The following ATP11A variants were observed in gnomAD, a reference collection of about 807,000 sequenced individuals.
ATP11A encodes phospholipid-transporting ATPase IH.
In ATP11A, 81 loss-of-function variants were observed where a neutral mutation model predicts 154.4. The observed-to-expected ratio is 0.52, with a 90% CI of 0.44 to 0.63. ATP11A has a LOEUF of 0.63. Ranked by LOEUF, ATP11A falls within the 30% of genes least tolerant of loss-of-function variation. ATP11A has a pLI of 0.00. For synonymous variants in ATP11A, 623 were observed against 585.9 expected, an observed-to-expected ratio of 1.06 and a Z score of -0.91; for missense variants, 1,316 against 1,474.3, an observed-to-expected ratio of 0.89 and a Z score of 1.76.
intron 1 of ATP11A, among the ~76,000 whole-genome samples, chr13:112,745,135 G>T (rs1353029277): frequency 1.3e-5 from 2 of 152,202 alleles, no homozygotes; most frequent in African/African-American, 4.8e-5. Flanking sequence ...TGCCATCTCG[G>T]CTCACTGCAA....
intron 2 of ATP11A, among the ~76,000 whole-genome samples, chr13:112,789,557 G>A (rs986164092): frequency 3.4e-5 from 5 of 148,546 alleles, no homozygotes; most frequent in Non-Finnish European, 5.9e-5. Flanking sequence ...GTAGACTCCT[G>A]TGGATACCTA....
chr13:112,868,672 C>T (rs1217940480), intron 25 of ATP11A, among the ~76,000 whole-genome samples: 1 of 152,168 alleles, frequency 6.6e-6, no homozygotes, highest in Non-Finnish European at 1.5e-5. Flanking sequence ...ATGCCTGCCA[C>T]CCCCAGAATC....
At position 112,729,665 on chromosome 13, in the gene ATP11A, A is replaced by G. The variant is rs555925383; in HGVS notation, c.39+39210A>G. Among the ~76,000 whole-genome samples, 36 of 152,370 alleles carry G rather than the reference A, an allele frequency of 2.4e-4. 1 individual carries two copies. Among genetic ancestry groups the G allele is most frequent in the African/African-American group, 8.7e-4 (36 of 41,590 alleles). On this transcript the variant is annotated intron_variant, in intron 1 of 29. Coordinates refer to ENST00000375645, the MANE Select transcript of ATP11A (RefSeq NM_015205.3). Reference sequence around the variant, plus strand: ...AACACGTCTGAGTGTGAACAGCGTCAGAAGGCACTGCCGCAGCGCTCCTGC... The same window carrying G: ...AACACGTCTGAGTGTGAACAGCGTCGGAAGGCACTGCCGCAGCGCTCCTGC...
In ATP11A at chr13:112,739,776, A is replaced by G. The variant is rs570416982; in HGVS notation, c.40-45359A>G. ...GTAAACAATGTGATTTATCCTTACAATGGAGTAGTATTCAGCCACAAAAAG... is the reference window on the plus strand; with the variant it reads ...GTAAACAATGTGATTTATCCTTACAGTGGAGTAGTATTCAGCCACAAAAAG... On this transcript the variant is annotated intron_variant, in intron 1 of 29. Coordinates refer to ENST00000375645, the MANE Select transcript of ATP11A (RefSeq NM_015205.3). 7.7e-4 allele frequency among the ~76,000 whole-genome samples: 117 copies of G among 152,344 alleles called. 1 individual carries two copies. The highest frequency in any genetic ancestry group is 1.7e-3 in the Admixed American group (26 of 15,310).
At position 112,885,539 on chromosome 13, in the gene ATP11A, C is replaced by G. The variant is rs968196198; in HGVS notation, c.*3673C>G. The stretch of plus-strand genomic sequence containing the variant: ...GCACAGGCTCCTACACACATGCACA[C>G]ACGTGTACACCACAAACGAGCTCCC... On this transcript the variant is annotated 3_prime_UTR_variant, in exon 30 of 30. Transcript: ENST00000375645. 7 of 152,350 alleles carry G rather than the reference C, an allele frequency of 4.6e-5. No individual in the cohort carries two copies. The highest frequency in any genetic ancestry group is 1.7e-4 in the African/African-American group (7 of 41,470). 9.4% of individuals were successfully genotyped at this position (152,350 alleles called of 1,614,324 possible).
At chr13:112,695,151 C>A (rs1441004725) in intron 1 of ATP11A, among the ~76,000 whole-genome samples, 1 of 151,832 alleles carries the variant, frequency 6.6e-6, no homozygotes, top group Non-Finnish European at 1.5e-5. Flanking sequence ...TGGGACCTTG[C>A]TGTTGTTCAG....
rs977983895 is a variant in ATP11A, at chr13:112,859,593, C to A, written c.2727+141C>A. 1.6e-5 allele frequency: 8 copies of A among 492,916 alleles called. No individual in the cohort carries two copies. The East Asian group carries it at 4.5e-4, about 28-fold the overall frequency. The allele number at this position is 492,916 out of a possible 1,614,324, so 30.5% of individuals were successfully genotyped here. On this transcript the variant is annotated intron_variant, in intron 23 of 29. Coordinates refer to ENST00000375645, the MANE Select transcript of ATP11A (RefSeq NM_015205.3). This position sits in a 1 kb window ranked among gnomAD's most constrained non-coding sequence, Gnocchi z 4.3. ...GGGAGCCAGGGTGCCCAGCAGCAGG[C>A]GGGGGTGAAGGGTCGGGCCTGGGGA... is the stretch of plus-strand genomic sequence containing the variant.
intron 2 of ATP11A, among the ~76,000 whole-genome samples, chr13:112,800,027 G>A (rs1368549846): frequency 6.6e-6 from 1 of 152,126 alleles, no homozygotes; most frequent in African/African-American, 2.4e-5. Context: ...TGGGATGCAG[G>A]AAAAGCAGTG....
chr13:112,708,183 C>G (rs1277094233), intron 1 of ATP11A, among the ~76,000 whole-genome samples: 2 of 152,216 alleles, frequency 1.3e-5, no homozygotes. Context: ...CTTCCACAAC[C>G]AGCAGGATGC....
At chr13:112,773,781 G>A (rs555762960) in intron 1 of ATP11A, among the ~76,000 whole-genome samples, 7 of 152,368 alleles carry the variant, frequency 4.6e-5, no homozygotes, top group South Asian at 2.1e-4. Context: ...AACGCCCCGC[G>A]TGTGTGAGTG....
chr13:112,744,040 A>G (rs529255340), intron 1 of ATP11A, among the ~76,000 whole-genome samples: 186 of 152,384 alleles, frequency 1.2e-3, no homozygotes, highest in Non-Finnish European at 2.1e-3. Context: ...TCATCATACT[A>G]TGACGGCTGA....
intron 1 of ATP11A, among the ~76,000 whole-genome samples, chr13:112,705,620 C>T (rs1407610919): frequency 6.6e-6 from 1 of 152,196 alleles, no homozygotes; most frequent in Non-Finnish European, 1.5e-5. Context: ...AGGACAGCTC[C>T]AGGCAGAGGA....
chr13:112,714,104 CCA>C, intron 1 of ATP11A, among the ~76,000 whole-genome samples: 1 of 147,638 alleles, frequency 6.8e-6, no homozygotes, highest in Non-Finnish European at 1.5e-5. Flanking sequence ...AGCCTCCCTT[CCA>C]CTCCCCGCAC....
chr13:112,729,345 C>T (rs1838067786), intron 1 of ATP11A, among the ~76,000 whole-genome samples: 1 of 152,250 alleles, frequency 6.6e-6, no homozygotes, highest in Non-Finnish European at 1.5e-5. Flanking sequence ...TCCGACTCTG[C>T]CCACTGAGGC....
chr13:112,703,393 AG>A (rs1886802423), intron 1 of ATP11A: 1 of 152,256 alleles, frequency 6.6e-6, no homozygotes, highest in Admixed American at 6.5e-5. Context: ...ATTAGGGGTT[AG>A]GGCTTCAATA....
intron 2 of ATP11A, among the ~76,000 whole-genome samples, chr13:112,803,212 T>G (rs2078185270): frequency 6.6e-6 from 1 of 152,254 alleles, no homozygotes; most frequent in Non-Finnish European, 1.5e-5. Flanking sequence ...AGAGAAGTTT[T>G]AAAAGACGCA....
rs113854397 is a variant in ATP11A, at chr13:112,785,435, C to A, written c.162+178C>A. Among the ~76,000 whole-genome samples the A allele has an allele frequency of 6.6e-6, 1 of 152,012 alleles. No homozygotes were observed. The highest frequency in any genetic ancestry group is 2.4e-5 in the African/African-American group (1 of 41,400). ...ACCGAGGGCGCTACTCTCTCCCTCT[C>A]GGTGACTGCCCACAGGAGGCTTTCC... On this transcript the variant is annotated intron_variant, in intron 2 of 29. Coordinates refer to ENST00000375645, the MANE Select transcript of ATP11A (RefSeq NM_015205.3). The surrounding 1 kb of genome is among the most constrained non-coding windows in gnomAD (Gnocchi z 4.8).
chr13:112,771,450 A>G (rs2077223645), intron 1 of ATP11A, among the ~76,000 whole-genome samples: 1 of 152,204 alleles, frequency 6.6e-6, no homozygotes, highest in South Asian at 2.1e-4. Flanking sequence ...TCCGGAGGAC[A>G]CAGCTGCATG....
chr13:112,822,301 C>T (rs1454659271), intron 8 of ATP11A, among the ~76,000 whole-genome samples: 1 of 152,178 alleles, frequency 6.6e-6, no homozygotes, highest in Non-Finnish European at 1.5e-5. Flanking sequence ...CCTGTTATAT[C>T]AAGAATATAA....
Sources: gnomAD v4.1 joint callset for allele counts (sites outside exome capture counted in the v4.1 genomes callset) on GRCh38, gnomAD v4.1.1 for gene constraint, Gnocchi (gnomAD v3.1) non-coding constraint, MANE v1.5 for transcripts, NCBI Gene and HGNC (gene_info 2026-07-23, HGNC 2026-07-21) for gene names.